SUCLA2: variants seen among roughly 807,000 people sequenced by gnomAD.
The protein encoded by SUCLA2 is succinate-CoA ligase ADP-forming subunit beta.
In SUCLA2, 30 loss-of-function variants were observed where a neutral mutation model predicts 54.8. The ratio of observed to expected loss-of-function variants is 0.55; its 90% confidence interval spans 0.41 to 0.74. The LOEUF (loss-of-function observed/expected upper bound fraction) is 0.74. Ranked by LOEUF, SUCLA2 falls within the 30% of genes least tolerant of loss-of-function variation. The pLI is 0.00. For missense variants in SUCLA2, 476 were observed against 562.9 expected (o/e 0.85, Z 1.56); for synonymous variants, 172 against 188.9 (o/e 0.91, Z 0.74).
chr13:48,001,024 C>A, intron 1 of SUCLA2, 156 bp downstream of exon 1: 1 of 1,477,620 alleles, frequency 6.8e-7, no homozygotes, highest in Non-Finnish European at 9.0e-7. Context: ...GTAGTCCTGG[C>A]GAGCAGCACT....
At chr13:47,972,748 CT>C (rs1204256460) in intron 5 of SUCLA2, among the ~76,000 whole-genome samples, 10,602 of 118,372 alleles carry the variant, frequency 0.09, 430 homozygotes, top group African/African-American at 0.17. Context: ...TATAGTGACT[CT>C]TTTTTTTTTT....
chr13:47,952,893 T>C lies in SUCLA2; in HGVS notation c.1107+1247A>G, dbSNP rs182007379. Among the ~76,000 whole-genome samples, 340 of 152,314 alleles carry C rather than the reference T, an allele frequency of 2.2e-3. 4 individuals are homozygous for C. The highest frequency in any genetic ancestry group is 0.015 in the South Asian group (71 of 4,826). ...ACATAATGGCCCTCTCTGGATTCTA[T>C]GTCTTTGTACATTTTCTTCCTCTTG... On this transcript the variant is annotated intron_variant, in intron 8 of 10. Coordinates refer to ENST00000646932, the MANE Select transcript of SUCLA2 (RefSeq NM_003850.3).
At chr13:47,954,697 CT>C in intron 6 of SUCLA2, 140 bp from the exon 7 acceptor site, 1 of 970,608 alleles carries the variant, frequency 1.0e-6, no homozygotes, top group Non-Finnish European at 1.5e-6. Flanking sequence ...TTTATGTTCA[CT>C]ATGAATTCAA....
At chr13:48,001,152 G>A (rs201405347) in intron 1 of SUCLA2, 28 bp downstream of exon 1, 8 of 1,594,434 alleles carry the variant, frequency 5.0e-6, no homozygotes, top group Admixed American at 1.8e-5. Context: ...GCCGACCCTC[G>A]AGACGACAGC....
chr13:47,968,322 T>C (rs547468413), intron 6 of SUCLA2, among the ~76,000 whole-genome samples: 2 of 152,374 alleles, frequency 1.3e-5, no homozygotes, highest in African/African-American at 2.4e-5. Context: ...GTGTGGCTGA[T>C]AGTCACTGTA....
chr13:47,959,577 A>G (rs1949851330), intron 6 of SUCLA2, among the ~76,000 whole-genome samples: 1 of 151,708 alleles, frequency 6.6e-6, no homozygotes, highest in African/African-American at 2.4e-5. Context: ...GAGGAGGAGG[A>G]AGAGGAAAAA....
rs193058929 is a variant in SUCLA2, at chr13:47,994,884, C to T, written c.271+1959G>A. The T allele has an allele frequency of 5.5e-3, 5,427 of 984,636 alleles. 19 individuals carry two copies. The highest frequency in any genetic ancestry group is 6.3e-3 in the Non-Finnish European group (5,234 of 829,238). 61.0% of individuals were successfully genotyped at this position (984,636 alleles called of 1,614,324 possible). A position where few individuals can be genotyped will look rare whatever the true frequency, so the allele number is the denominator to read the frequency against. On this transcript the variant is annotated intron_variant, in intron 2 of 10. Coordinates refer to ENST00000646932, the MANE Select transcript of SUCLA2 (RefSeq NM_003850.3). Reference sequence around the variant, plus strand: ...ACAGTTTATCCTGCACATATTATTTCTTTCTTCTGTACCTAAGAATCATTA... The same window carrying T: ...ACAGTTTATCCTGCACATATTATTTTTTTCTTCTGTACCTAAGAATCATTA...
chr13:47,985,871 C>G (rs566936544), intron 4 of SUCLA2, among the ~76,000 whole-genome samples: 1 of 152,226 alleles, frequency 6.6e-6, no homozygotes, highest in South Asian at 2.1e-4. Flanking sequence ...AAAGGCATTC[C>G]TTTTTCTGCA....
At chr13:47,949,155 C>CAGA in intron 9 of SUCLA2, 127 bp from the exon 10 acceptor site, 1 of 952,790 alleles carries the variant, frequency 1.0e-6, no homozygotes, top group Non-Finnish European at 1.6e-6. Flanking sequence ...AGTATAAACA[C>CAGA]TTCTAAACCA....
At chr13:47,987,001 A>C (rs1466987034) in intron 4 of SUCLA2, among the ~76,000 whole-genome samples, 1 of 152,254 alleles carries the variant, frequency 6.6e-6, no homozygotes, top group Non-Finnish European at 1.5e-5. Context: ...CATTGGTCTA[A>C]TGTGATAATA....
chr13:47,966,525 T>A (rs892633546), intron 6 of SUCLA2, among the ~76,000 whole-genome samples: 51 of 141,254 alleles, frequency 3.6e-4, no homozygotes, highest in East Asian at 2.3e-3. Flanking sequence ...TTGCCGTTTT[T>A]AAAAAAAAAA....
At chr13:47,962,891 C>A (rs1949882234) in intron 6 of SUCLA2, among the ~76,000 whole-genome samples, 1 of 152,178 alleles carries the variant, frequency 6.6e-6, no homozygotes, top group African/African-American at 2.4e-5. Flanking sequence ...ACCTTGGGAC[C>A]TCTCAAAAAA....
intron 8 of SUCLA2, among the ~76,000 whole-genome samples, chr13:47,951,087 T>C (rs1224213817): frequency 1.3e-5 from 2 of 152,138 alleles, no homozygotes; most frequent in Non-Finnish European, 2.9e-5. Context: ...ACTCCAGCCT[T>C]AAAGTTCTTG....
chr13:47,995,519 C>T (rs759507864), intron 2 of SUCLA2, among the ~76,000 whole-genome samples: 4 of 152,224 alleles, frequency 2.6e-5, no homozygotes, highest in South Asian at 2.1e-4. Context: ...GTTTTCTGAA[C>T]TTGTATATAT....
intron 6 of SUCLA2, among the ~76,000 whole-genome samples, chr13:47,958,570 C>T (rs12429993): frequency 0.028 from 4,303 of 152,272 alleles, 96 homozygotes; most frequent in South Asian, 0.082. Flanking sequence ...TGTCAGCATA[C>T]ATTTTTGCCT....
At chr13:47,958,618 T>G (rs950008415) in intron 6 of SUCLA2, among the ~76,000 whole-genome samples, 2 of 152,174 alleles carry the variant, frequency 1.3e-5, no homozygotes, top group Non-Finnish European at 2.9e-5. Context: ...TTTTGAGGTG[T>G]CAGGGTTTGG....
intron 10 of SUCLA2, among the ~76,000 whole-genome samples, chr13:47,948,711 C>A: frequency 6.6e-6 from 1 of 152,130 alleles, no homozygotes. Context: ...AATCTTTCTC[C>A]CCTACTGCAA....
At chr13:47,967,579 G>A (rs112702890) in intron 6 of SUCLA2, among the ~76,000 whole-genome samples, 9,824 of 152,096 alleles carry the variant, frequency 0.065, 610 homozygotes, top group East Asian at 0.18. Context: ...AGTGACTCAC[G>A]CCTGTAATCC....
At chr13:47,980,137 C>T (rs1950049143) in intron 4 of SUCLA2, among the ~76,000 whole-genome samples, 1 of 152,194 alleles carries the variant, frequency 6.6e-6, no homozygotes, top group Admixed American at 6.5e-5. Flanking sequence ...CACAAACAGG[C>T]AGGGCGCGGT....
Sources: gnomAD v4.1 joint callset for allele counts (sites outside exome capture counted in the v4.1 genomes callset) on GRCh38, gnomAD v4.1.1 for gene constraint, MANE v1.5 for transcripts, NCBI Gene and HGNC (gene_info 2026-07-23, HGNC 2026-07-21) for gene names.